Variants in PITPNC1 observed in about 807,000 individuals in gnomAD.
PITPNC1 encodes the protein phosphatidylinositol transfer protein cytoplasmic 1.
A neutral mutation model predicts 44.7 loss-of-function variants in PITPNC1; 18 were observed. The ratio of observed to expected loss-of-function variants is 0.40; its 90% CI spans 0.28 to 0.60. The LOEUF is 0.60. PITPNC1 is among the 20% of genes least tolerant of loss of function. The pLI, the probability that PITPNC1 is intolerant of heterozygous loss-of-function variation, is 0.39. For synonymous variants in PITPNC1, 141 were observed against 149.6 expected (o/e 0.94, Z 0.42); for missense variants, 290 against 418.4 (o/e 0.69, Z 2.68).
Position 67,377,848 on chromosome 17 carries a change from G to T in PITPNC1, c.-307G>T. 2.9e-6 allele frequency: 1 copy of T among 340,118 alleles called. No homozygotes were observed. Among genetic ancestry groups the T allele is most frequent in the Non-Finnish European group, 5.3e-6 (1 of 188,876 alleles). The allele number at this position is 340,118 out of a possible 1,614,324, so 21.1% of individuals were successfully genotyped here. A position where few individuals can be genotyped will look rare whatever the true frequency, so the allele number is the denominator to read the frequency against. On this transcript the variant is annotated 5_prime_UTR_variant, in exon 1 of 9. Coordinates refer to ENST00000581322, the MANE Select transcript of PITPNC1 (RefSeq NM_012417.4). ...CTGGCGGCCGCTCCTACCACCCTGG[G>T]CAGCCGAGCAGAGTCGTCCCCAGCG...
chr17:67,688,380 T>C (rs1353898242), intron 8 of PITPNC1, among the ~76,000 whole-genome samples: 1 of 133,936 alleles, frequency 7.5e-6, no homozygotes, highest in Non-Finnish European at 1.7e-5. Flanking sequence ...GAAATTTAGA[T>C]GTGGCTGTTG....
At chr17:67,673,814 G>A (rs377350062) in intron 7 of PITPNC1, among the ~76,000 whole-genome samples, 1 of 151,498 alleles carries the variant, frequency 6.6e-6, no homozygotes, top group East Asian at 1.9e-4. Context: ...AGCCGGGCAT[G>A]GTGACAGGCA....
At chr17:67,410,809 G>T (rs1598628411) in intron 1 of PITPNC1, among the ~76,000 whole-genome samples, 1 of 152,138 alleles carries the variant, frequency 6.6e-6, no homozygotes, top group South Asian at 2.1e-4. Flanking sequence ...GTTGGGCTGC[G>T]CTGGGTGGCT....
At chr17:67,666,950 C>G (rs920717748) in intron 6 of PITPNC1, among the ~76,000 whole-genome samples, 1 of 152,214 alleles carries the variant, frequency 6.6e-6, no homozygotes, top group Non-Finnish European at 1.5e-5. Flanking sequence ...ACCTCCCAAG[C>G]CCACCCCTGA....
At chr17:67,590,755 G>T (rs2041378657) in intron 5 of PITPNC1, among the ~76,000 whole-genome samples, 1 of 152,060 alleles carries the variant, frequency 6.6e-6, no homozygotes, top group Non-Finnish European at 1.5e-5. Flanking sequence ...CTGAGGTCAG[G>T]AGTTGGAGAC....
At chr17:67,418,946 G>T (rs1035588654) in intron 1 of PITPNC1, among the ~76,000 whole-genome samples, 2 of 152,182 alleles carry the variant, frequency 1.3e-5, no homozygotes, top group African/African-American at 2.4e-5. Flanking sequence ...GGACACTTGT[G>T]ATGACTTGGG....
intron 1 of PITPNC1, among the ~76,000 whole-genome samples, chr17:67,406,740 C>G (rs983331186): frequency 2.0e-5 from 3 of 151,976 alleles, no homozygotes; most frequent in Non-Finnish European, 4.4e-5. Context: ...ATGTGTGCCA[C>G]CATGCCCGGC....
At chr17:67,673,336 A>G (rs2042544651) in intron 7 of PITPNC1, among the ~76,000 whole-genome samples, 1 of 152,212 alleles carries the variant, frequency 6.6e-6, no homozygotes, top group Non-Finnish European at 1.5e-5. Flanking sequence ...GTAAAAAGAC[A>G]TATTTACCCA....
chr17:67,435,405 G>A (rs2038923986), intron 1 of PITPNC1, among the ~76,000 whole-genome samples: 1 of 152,172 alleles, frequency 6.6e-6, no homozygotes, highest in African/African-American at 2.4e-5. Flanking sequence ...TTACCCAGCA[G>A]GCACATGGAT....
At chr17:67,462,788 C>T (rs574489933) in intron 1 of PITPNC1, among the ~76,000 whole-genome samples, 45 of 151,172 alleles carry the variant, frequency 3.0e-4, no homozygotes, top group Non-Finnish European at 4.4e-4. Context: ...CCGCAACCTC[C>T]GCCTCCTGGG....
intron 1 of PITPNC1, among the ~76,000 whole-genome samples, chr17:67,443,928 C>T (rs2039055366): frequency 6.6e-6 from 1 of 152,088 alleles, no homozygotes; most frequent in African/African-American, 2.4e-5. Context: ...AGTCACTGCG[C>T]CCGGCCGACA....
chr17:67,689,168 C>T (rs2042876513), intron 8 of PITPNC1, among the ~76,000 whole-genome samples: 1 of 152,112 alleles, frequency 6.6e-6, no homozygotes, highest in Admixed American at 6.6e-5. Flanking sequence ...TGCCACTGCA[C>T]TCCAGCCTGG....
At chr17:67,483,155 C>T (rs1236992927) in intron 1 of PITPNC1, among the ~76,000 whole-genome samples, 3 of 152,120 alleles carry the variant, frequency 2.0e-5, no homozygotes, top group Non-Finnish European at 4.4e-5. Context: ...TTTCTGGATG[C>T]TTTGTTTGCA....
intron 1 of PITPNC1, chr17:67,379,246 C>T: frequency 2.0e-6 from 2 of 985,718 alleles, no homozygotes; most frequent in Non-Finnish European, 2.4e-6. Context: ...ATATTTAAAT[C>T]TGGTGCCTCG....
chr17:67,579,482 A>T (rs544267419), intron 5 of PITPNC1, among the ~76,000 whole-genome samples: 1 of 152,166 alleles, frequency 6.6e-6, no homozygotes, highest in Non-Finnish European at 1.5e-5. Flanking sequence ...TGGCAGCCCA[A>T]TGGGAAATGT....
intron 6 of PITPNC1, among the ~76,000 whole-genome samples, chr17:67,655,614 CT>C (rs1298973339): frequency 6.6e-6 from 1 of 150,866 alleles, no homozygotes. Context: ...TCCCCACCCC[CT>C]AATACCATCA....
intron 1 of PITPNC1, among the ~76,000 whole-genome samples, chr17:67,424,083 C>CT (rs1479151923): frequency 2.9e-5 from 2 of 68,568 alleles, no homozygotes; most frequent in African/African-American, 1.3e-4. Context: ...GGGAGACTGT[C>CT]TCAAAAAAAA....
At chr17:67,547,387 A>G (rs1314750916) in intron 2 of PITPNC1, among the ~76,000 whole-genome samples, 3 of 152,144 alleles carry the variant, frequency 2.0e-5, no homozygotes, top group Non-Finnish European at 4.4e-5. Flanking sequence ...GTGGTGGTGC[A>G]TGCCTTTAGT....
intron 1 of PITPNC1, among the ~76,000 whole-genome samples, chr17:67,410,165 CAA>C (rs1464804986): frequency 6.6e-6 from 1 of 152,162 alleles, no homozygotes; most frequent in Non-Finnish European, 1.5e-5. Flanking sequence ...TAAAAAGAAA[CAA>C]GTGGTATTTG....
Sources: gnomAD v4.1 joint callset for allele counts (sites outside exome capture counted in the v4.1 genomes callset) on GRCh38, gnomAD v4.1.1 for gene constraint, MANE v1.5 for transcripts, NCBI Gene and HGNC (gene_info 2026-07-23, HGNC 2026-07-21) for gene names.